MEIS2: variants seen among roughly 807,000 people sequenced by gnomAD.
MEIS2 encodes the protein homeobox protein Meis2.
MEIS2 carries 9 observed loss-of-function variants against 58.6 expected under a neutral mutation model. The observed-to-expected ratio is 0.15, with a 90% CI of 0.09 to 0.27. The LOEUF (loss-of-function observed/expected upper bound fraction) is 0.27, where lower values mean the gene tolerates loss of function less well. Among genes scored for constraint, MEIS2 ranks in the 10% least tolerant of loss-of-function variants. The pLI, the probability that MEIS2 is intolerant of heterozygous loss-of-function variation, is 1.00. For missense variants in MEIS2, 427 were observed against 635.0 expected (o/e 0.67, Z 3.52); for synonymous variants, 221 against 228.4 (o/e 0.97, Z 0.29).
chr15:36,961,822 AT>A (rs1208215125), intron 8 of MEIS2, among the ~76,000 whole-genome samples: 6 of 152,180 alleles, frequency 3.9e-5, no homozygotes, highest in Admixed American at 2.0e-4. Context: ...CACCAGCCAT[AT>A]TTTTTTAATC....
chr15:37,091,246 T>C (rs542944898), intron 6 of MEIS2, among the ~76,000 whole-genome samples: 1 of 152,232 alleles, frequency 6.6e-6, no homozygotes, highest in East Asian at 1.9e-4. Context: ...ATACAATCAA[T>C]ACACCTATGG....
chr15:36,906,811 T>C (rs948145789), intron 9 of MEIS2, among the ~76,000 whole-genome samples: 2 of 152,152 alleles, frequency 1.3e-5, no homozygotes, highest in Non-Finnish European at 2.9e-5. Context: ...TCCAAAAAAA[T>C]TACTTCCTTC....
intron 9 of MEIS2, among the ~76,000 whole-genome samples, chr15:36,935,862 T>C (rs2058149229): frequency 6.6e-6 from 1 of 152,166 alleles, no homozygotes; most frequent in Non-Finnish European, 1.5e-5. Flanking sequence ...TTATAATTTA[T>C]TTTATTTACA....
rs775551671 is a variant in MEIS2, at chr15:36,892,198, T to C, written c.1409A>G (p.Gln470Arg). ...CTATTGGGCATGAATGTCCATAACC[T>C]GTCCGCCAACATTGGGATCTACAGA... ...LNSVDPNVGG[Q>R]VMDIHAQ The change falls in exon 12 of 12, where the codon CAG becomes CGG. Residue 470 changes from glutamine (Q) to arginine (R), a missense_variant. By Grantham distance (43) the Gln-to-Arg change is conservative. This residue lies in a region of MEIS2 where 154 missense variants were observed against 148.1 expected (regional missense o/e 1.04). Transcript: ENST00000561208. 3 of 1,614,112 alleles carry C rather than the reference T, an allele frequency of 1.9e-6. No homozygotes were observed. The highest frequency in any genetic ancestry group is 1.3e-5 in the African/African-American group (1 of 74,934).
At chr15:37,086,940 T>C (rs1892964073) in intron 6 of MEIS2, among the ~76,000 whole-genome samples, 2 of 152,228 alleles carry the variant, frequency 1.3e-5, no homozygotes, top group Non-Finnish European at 2.9e-5. Context: ...TTAAAATATT[T>C]GTTTATATCA....
chr15:37,048,768 T>C (rs1253473189), intron 7 of MEIS2, among the ~76,000 whole-genome samples: 2 of 152,142 alleles, frequency 1.3e-5, no homozygotes, highest in Non-Finnish European at 2.9e-5. Flanking sequence ...TAGAGATATG[T>C]ATCAACATGC....
At chr15:36,920,310 C>T (rs755893067) in intron 9 of MEIS2, among the ~76,000 whole-genome samples, 15 of 152,200 alleles carry the variant, frequency 9.9e-5, no homozygotes, top group South Asian at 2.1e-4. Context: ...CCACCACGCC[C>T]GGCTAGTTTT....
At chr15:36,947,316 C>T (rs1292299617) in intron 9 of MEIS2, among the ~76,000 whole-genome samples, 1 of 152,018 alleles carries the variant, frequency 6.6e-6, no homozygotes, top group East Asian at 1.9e-4. Context: ...AAGATTATTT[C>T]TAGCACTGAC....
intron 8 of MEIS2, among the ~76,000 whole-genome samples, chr15:37,009,267 C>T (rs542869585): frequency 5.9e-5 from 9 of 151,424 alleles, no homozygotes; most frequent in Non-Finnish European, 1.3e-4. Flanking sequence ...CCAGCCTGGG[C>T]GACAGAGCGA....
chr15:36,967,411 C>T (rs2059391778), intron 8 of MEIS2, among the ~76,000 whole-genome samples: 1 of 152,058 alleles, frequency 6.6e-6, no homozygotes, highest in African/African-American at 2.4e-5. Flanking sequence ...TGCATTTTCC[C>T]CAAGAACACC....
At chr15:37,041,599 A>C (rs2062425443) in intron 7 of MEIS2, among the ~76,000 whole-genome samples, 1 of 152,144 alleles carries the variant, frequency 6.6e-6, no homozygotes, top group Admixed American at 6.5e-5. Flanking sequence ...CAGGAAGCTA[A>C]ATCCTGGGAT....
chr15:36,953,213 T>C (rs2058826072), intron 8 of MEIS2, among the ~76,000 whole-genome samples: 1 of 152,172 alleles, frequency 6.6e-6, no homozygotes, highest in Admixed American at 6.5e-5. Flanking sequence ...TATGTATACA[T>C]TTAAGGCCAA....
At chr15:36,990,922 A>G (rs940435359) in intron 8 of MEIS2, among the ~76,000 whole-genome samples, 14 of 152,304 alleles carry the variant, frequency 9.2e-5, no homozygotes, top group African/African-American at 2.9e-4. Flanking sequence ...GCTAAACACA[A>G]GACTATTAGG....
intron 8 of MEIS2, among the ~76,000 whole-genome samples, chr15:36,963,019 CAA>C (rs1298260447): frequency 6.6e-6 from 1 of 152,070 alleles, no homozygotes; most frequent in East Asian, 1.9e-4. Context: ...AAAATTATCT[CAA>C]AGAGATCAAA....
Position 37,083,845 on chromosome 15 carries a change from G to A in MEIS2, c.680C>T (p.Thr227Ile), listed in dbSNP as rs1295342702. The A allele has an allele frequency of 3.1e-6, 5 of 1,614,102 alleles. No homozygotes were observed. The highest frequency in any genetic ancestry group is 4.2e-6 in the Non-Finnish European group (5 of 1,179,994). ...GGGCCCTGGGGTGCCTGCTGAGTGGGTTGAGGTTGCATCATCGTGGTCTCG... is the reference window on the plus strand; with the variant it reads ...GGGCCCTGGGGTGCCTGCTGAGTGGATTGAGGTTGCATCATCGTGGTCTCG... The part of the protein sequence containing the change: ...SWRDHDDATS[T>I]HSAGTPGPSS... Residue 227 changes from threonine to isoleucine, a missense_variant, in exon 7 of 12, where the codon ACC (threonine) becomes ATC (isoleucine). Transcript: ENST00000561208.
chr15:36,967,730 T>G (rs886478423), intron 8 of MEIS2, among the ~76,000 whole-genome samples: 10 of 152,206 alleles, frequency 6.6e-5, no homozygotes, highest in Non-Finnish European at 1.2e-4. Flanking sequence ...ATTTTATTCC[T>G]CTATTATTGC....
chr15:36,968,992 G>A (rs993756943), intron 8 of MEIS2, among the ~76,000 whole-genome samples: 3 of 152,068 alleles, frequency 2.0e-5, no homozygotes, highest in East Asian at 3.9e-4. Context: ...AACGTAAACC[G>A]GCCATCATTT....
chr15:37,033,172 A>C (rs1228620424), intron 8 of MEIS2, among the ~76,000 whole-genome samples: 1 of 152,132 alleles, frequency 6.6e-6, no homozygotes, highest in Non-Finnish European at 1.5e-5. Flanking sequence ...AGGTATTCAG[A>C]ATAGGTGACA....
At chr15:37,011,240 C>T (rs1186164004) in intron 8 of MEIS2, among the ~76,000 whole-genome samples, 3 of 152,208 alleles carry the variant, frequency 2.0e-5, no homozygotes, top group African/African-American at 7.2e-5. Context: ...CTTGTCTCCA[C>T]ACAAAATTCA....
Sources: allele counts gnomAD v4.1 joint callset (sites outside exome capture counted in the v4.1 genomes callset), GRCh38; gene constraint gnomAD v4.1.1; regional missense constraint gnomAD v4.1.1; transcripts MANE v1.5; gene names NCBI Gene and HGNC (gene_info 2026-07-23, HGNC 2026-07-21).